ZNF816: variants seen among roughly 807,000 people sequenced by gnomAD.
The protein encoded by ZNF816 is zinc finger protein 816A.
Under a neutral mutation model 8.3 loss-of-function variants are expected in ZNF816, and 11 were observed. The ratio of observed to expected loss-of-function variants is 1.32; its 90% CI spans 0.83 to 2.19. The LOEUF (loss-of-function observed/expected upper bound fraction) is 2.19, where lower values mean the gene tolerates loss of function less well. Among genes scored for constraint, ZNF816 ranks in the 30% most tolerant of loss-of-function variants. The pLI is 0.00. For synonymous variants in ZNF816, 255 were observed against 254.5 expected, an observed-to-expected ratio of 1.00 and a Z score of -0.02; for missense variants, 710 against 779.3, an observed-to-expected ratio of 0.91 and a Z score of 1.06.
intron 1 of ZNF816, among the ~76,000 whole-genome samples, chr19:52,961,585 G>A (rs1206866223): frequency 6.6e-6 from 1 of 152,218 alleles, no homozygotes; most frequent in Non-Finnish European, 1.5e-5. Context: ...ACCCCCGTTA[G>A]AGAAAAAGAG....
At chr19:52,958,887 C>A (rs1472540900) in intron 1 of ZNF816, among the ~76,000 whole-genome samples, 3 of 152,196 alleles carry the variant, frequency 2.0e-5, no homozygotes, top group African/African-American at 7.2e-5. Context: ...GACCAGGAAC[C>A]TTTTGAACGG....
At chr19:52,953,633 T>C (rs1023678022) in intron 2 of ZNF816, among the ~76,000 whole-genome samples, 3 of 139,050 alleles carry the variant, frequency 2.2e-5, no homozygotes, top group African/African-American at 8.0e-5. Flanking sequence ...TATGATACAA[T>C]ATTATATATA....
chr19:52,950,763 C>G lies in ZNF816; in HGVS notation c.1012G>C (p.Glu338Gln), dbSNP rs986011348. 3.1e-6 allele frequency: 5 copies of G among 1,613,806 alleles called. No homozygotes were observed. Among genetic ancestry groups the G allele is most frequent in the Middle Eastern group, 1.7e-4 (1 of 6,060 alleles). The change falls in exon 4 of 4, where the codon GAG becomes CAG. Residue 338 changes from glutamate to glutamine, a missense_variant. Coordinates refer to ENST00000444460, the MANE Select transcript of ZNF816 (RefSeq NM_001202457.3). ...CACTCATTACACTTGTAAGGTTTCT[C>G]TCCAGTATGAAGTCTACGATGGCAT... is the stretch of plus-strand genomic sequence containing the variant. The part of the protein sequence containing the change: ...LRCHRRLHTG[E>Q]KPYKCNECGK...
In ZNF816 at chr19:52,956,146, T is replaced by C. The variant is rs576043009; in HGVS notation, c.-15-42A>G. ...CAAGAGATTTAATATTTAGAAACCA[T>C]TGACTCCTTTCCTGTGACAAAACAC... On this transcript the variant is annotated intron_variant, in intron 1 of 3. Transcript: ENST00000444460. The C allele has an allele frequency of 4.4e-5, 69 of 1,580,566 alleles. No homozygotes were observed. In the East Asian group the frequency reaches 4.9e-4, roughly 11 times the overall value.
Position 52,950,272 on chromosome 19 carries a change from T to C in ZNF816, c.1503A>G (p.Arg501=). The change falls in exon 4 of 4, where the codon AGA becomes AGG. Residue 501 remains arginine, a synonymous_variant. Coordinates refer to ENST00000444460, the MANE Select transcript of ZNF816 (RefSeq NM_001202457.3). ...TGTAAGGTTTCTCTCCAGCATGAAG[T>C]CTATGATGACGTGCAAGGTTTTCTC... ...SRRENLARHH[R]LHAGEKPYKC... 2 of 1,613,558 alleles carry C rather than the reference T, an allele frequency of 1.2e-6. No individual in the cohort carries two copies. The highest frequency in any genetic ancestry group is 8.5e-7 in the Non-Finnish European group (1 of 1,179,866).
In ZNF816 at chr19:52,951,075, A is replaced by C. The variant is rs752523568; in HGVS notation, c.700T>G (p.Cys234Gly). The change falls in exon 4 of 4, where the codon TGT becomes GGT. Residue 234 changes from cysteine to glycine, a missense_variant. Cys to Gly is a radical substitution (Grantham distance 159). Transcript: ENST00000444460. ...GAGCTATAATTAAAGGCTTTGCCAC[A>C]CTCATTACTTTGGCAAGGTTTTTCT... is the stretch of plus-strand genomic sequence containing the variant. ...MREKPCQSNECGKAFNYSSLL... is the reference protein window; with the variant it reads ...MREKPCQSNEGGKAFNYSSLL... The C allele has an allele frequency of 6.2e-7, 1 of 1,614,014 alleles. No homozygotes were observed. The highest frequency in any genetic ancestry group is 8.5e-7 in the Non-Finnish European group (1 of 1,179,982).
In ZNF816 at chr19:52,950,210, G is replaced by C. The variant is rs1340725288; in HGVS notation, c.1565C>G (p.Ser522Ter). Reference protein sequence around the residue: ...EECDKVFSRRSHLERHRRIHT... With the variant: ...EECDKVFSRR ...AATTCTCCTATGTCTTTCAAGGTGT[G>C]ATCTGCGACTGAAAACTTTGTCACA... The change falls in exon 4 of 4, where the codon TCA becomes TGA. Residue 522 changes from serine to a stop codon, truncating the protein, a stop_gained. Transcript: ENST00000444460. LOFTEE classifies it low-confidence loss of function (END_TRUNC). 6.2e-7 allele frequency: 1 copy of C among 1,613,904 alleles called. No individual in the cohort carries two copies. The highest frequency in any genetic ancestry group is 1.7e-5 in the Admixed American group (1 of 60,008).
chr19:52,952,554 G>A lies in ZNF816; in HGVS notation c.190+197C>T, dbSNP rs2083468449. The A allele has an allele frequency of 3.0e-6, 3 of 1,004,694 alleles. No homozygotes were observed. In the South Asian group the frequency reaches 5.0e-5, roughly 17 times the overall value. The allele number at this position is 1,004,694 out of a possible 1,614,324, so 62.2% of individuals were successfully genotyped here. On this transcript the variant is annotated intron_variant, in intron 3 of 3. Coordinates refer to ENST00000444460, the MANE Select transcript of ZNF816 (RefSeq NM_001202457.3). ...TAGTCAAAGTGTTCGTGAATTTTCT[G>A]TTTTTATGTAAAACCACTCCAAAGA...
At chr19:52,955,995 G>A (rs1456537269) in intron 2 of ZNF816, 32 bp downstream of exon 2, 1 of 1,591,808 alleles carries the variant, frequency 6.3e-7, no homozygotes, top group Non-Finnish European at 8.5e-7. Flanking sequence ...AAAGGAAAGA[G>A]ACAGAAGAAT....
At chr19:52,960,337 G>A (rs1458472011) in intron 1 of ZNF816, among the ~76,000 whole-genome samples, 1 of 152,228 alleles carries the variant, frequency 6.6e-6, no homozygotes, top group Non-Finnish European at 1.5e-5. Context: ...ACTCTAGGTA[G>A]GTGGAGGCTT....
At chr19:52,959,431 G>C (rs1198809001) in intron 1 of ZNF816, among the ~76,000 whole-genome samples, 1 of 152,170 alleles carries the variant, frequency 6.6e-6, no homozygotes, top group African/African-American at 2.4e-5. Context: ...ACCAGCCTTG[G>C]GCATCAGTAG....
At chr19:52,953,261 C>A (rs1380073600) in intron 2 of ZNF816, 1 of 276,590 alleles carries the variant, frequency 3.6e-6, no homozygotes, top group South Asian at 2.9e-5. Context: ...GGTGTGGTGG[C>A]ACACGCCTCT....
In ZNF816 at chr19:52,949,638, C is replaced by T. The variant is rs1238458551; in HGVS notation, c.*181G>A. ...GCATAGGATGAAGCTTGACTGAAGA[C>T]CTTGTCACAGTCATGATATTTGTAA... is the stretch of plus-strand genomic sequence containing the variant. On this transcript the variant is annotated 3_prime_UTR_variant, in exon 4 of 4. Coordinates refer to ENST00000444460, the MANE Select transcript of ZNF816 (RefSeq NM_001202457.3). 1 of 980,784 alleles carries T rather than the reference C, an allele frequency of 1.0e-6. No individual in the cohort carries two copies. The highest frequency in any genetic ancestry group is 1.3e-5 in the South Asian group (1 of 74,420). The allele number at this position is 980,784 out of a possible 1,614,324, so 60.8% of individuals were successfully genotyped here. A position where few individuals can be genotyped will look rare whatever the true frequency, so the allele number is the denominator to read the frequency against.
chr19:52,953,570 TAAAA>T (rs2083482793), intron 2 of ZNF816, among the ~76,000 whole-genome samples: 1 of 93,276 alleles, frequency 1.1e-5, no homozygotes, highest in South Asian at 2.8e-4. Context: ...TATGTATTTA[TAAAA>T]TATAATATAT....
At chr19:52,954,356 G>A (rs926776805) in intron 2 of ZNF816, among the ~76,000 whole-genome samples, 4 of 149,890 alleles carry the variant, frequency 2.7e-5, no homozygotes, top group South Asian at 2.1e-4. Flanking sequence ...ATGAAACTCC[G>A]TCTCAAAAAA....
At chr19:52,953,464 A>ATAT (rs1555745098) in intron 2 of ZNF816, 1 of 129,764 alleles carries the variant, frequency 7.7e-6, no homozygotes, top group African/African-American at 3.0e-5. Flanking sequence ...ATATACTTAT[A>ATAT]TATATTATAT....
At position 52,952,420 on chromosome 19, in the gene ZNF816, T is replaced by C. The variant is rs570110902; in HGVS notation, c.190+331A>G. ...AAACCACAAGCACAGCTGGAAACAC[T>C]TGTCAATCAGTGTCATGCTTTCTAT... On this transcript the variant is annotated intron_variant, in intron 3 of 3. Coordinates refer to ENST00000444460, the MANE Select transcript of ZNF816 (RefSeq NM_001202457.3). The C allele has an allele frequency of 1.9e-5, 8 of 427,164 alleles. No homozygotes were observed. In the South Asian group the frequency reaches 2.6e-4, roughly 14 times the overall value. 26.5% of individuals were successfully genotyped at this position (427,164 alleles called of 1,614,324 possible).
intron 2 of ZNF816, among the ~76,000 whole-genome samples, chr19:52,954,642 T>G (rs2083493853): frequency 6.6e-6 from 1 of 152,028 alleles, no homozygotes; most frequent in South Asian, 2.1e-4. Flanking sequence ...CTGGCCAACA[T>G]GGTGAAACCC....
At chr19:52,960,796 A>G (rs2122176132) in intron 1 of ZNF816, among the ~76,000 whole-genome samples, 1 of 152,276 alleles carries the variant, frequency 6.6e-6, no homozygotes, top group South Asian at 2.1e-4. Context: ...CCACAGCCAT[A>G]TAAAACCTGC....
Sources: gnomAD v4.1 joint callset for allele counts (sites outside exome capture counted in the v4.1 genomes callset) on GRCh38, gnomAD v4.1.1 for gene constraint, MANE v1.5 for transcripts, NCBI Gene and HGNC (gene_info 2026-07-23, HGNC 2026-07-21) for gene names.